Variants in ZKSCAN3 observed in about 807,000 individuals in gnomAD.
ZKSCAN3 encodes the protein zinc finger protein with KRAB and SCAN domains 3.
Under a neutral mutation model 30.7 loss-of-function variants are expected in ZKSCAN3, and 21 were observed. That is an observed-to-expected ratio of 0.68 (90% CI 0.49 to 0.99). The LOEUF (loss-of-function observed/expected upper bound fraction) is 0.99, where lower values mean the gene tolerates loss of function less well. Ranked by LOEUF, ZKSCAN3 falls within the 50% of genes least tolerant of loss-of-function variation. The pLI is 0.00. For synonymous variants in ZKSCAN3, 201 were observed against 246.7 expected, an observed-to-expected ratio of 0.81 and a Z score of 1.73; for missense variants, 507 against 647.1, an observed-to-expected ratio of 0.78 and a Z score of 2.35.
intron 1 of ZKSCAN3, chr6:28,355,298 G>GGTT (rs1456230788): frequency 4.6e-5 from 7 of 152,172 alleles, no homozygotes; most frequent in African/African-American, 1.4e-4. Context: ...CCAGTGTGTG[G>GGTT]GTTGTTACCC....
intron 1 of ZKSCAN3, chr6:28,350,339 C>G (rs187823904): frequency 2.0e-5 from 3 of 152,342 alleles, no homozygotes; most frequent in African/African-American, 7.2e-5. Flanking sequence ...GTCACATAGA[C>G]AAGCCTCGAG....
intron 1 of ZKSCAN3, chr6:28,356,093 C>T (rs1470230801): frequency 6.6e-6 from 1 of 152,262 alleles, no homozygotes; most frequent in Non-Finnish European, 1.5e-5. Flanking sequence ...GAAACTTATT[C>T]AGGTTTAGGG....
chr6:28,350,216 A>C (rs1764897084), intron 1 of ZKSCAN3, 149 bp downstream of exon 1: 1 of 152,232 alleles, frequency 6.6e-6, no homozygotes, highest in Non-Finnish European at 1.5e-5. Context: ...CTGCGGCGGA[A>C]TGAAGTGGTC....
In ZKSCAN3 at chr6:28,366,531, T is replaced by C; in HGVS notation, c.*246T>C. 1 of 336,030 alleles carries C rather than the reference T, an allele frequency of 3.0e-6. No homozygotes were observed. Among genetic ancestry groups the C allele is most frequent in the Non-Finnish European group, 5.3e-6 (1 of 187,600 alleles). 20.8% of individuals were successfully genotyped at this position (336,030 alleles called of 1,614,324 possible). On this transcript the variant is annotated 3_prime_UTR_variant, in exon 6 of 6. Transcript: ENST00000252211. Reference sequence around the variant, plus strand: ...AAGAGGTAAGACCTGAAACTGTTTGTTCTCTCCCACTAGAATTAAATGGAT... The same window carrying C: ...AAGAGGTAAGACCTGAAACTGTTTGCTCTCTCCCACTAGAATTAAATGGAT...
intron 1 of ZKSCAN3, among the ~76,000 whole-genome samples, chr6:28,356,451 T>G (rs751069599): frequency 2.1e-4 from 31 of 151,194 alleles, no homozygotes; most frequent in Non-Finnish European, 3.7e-4. Context: ...AGGCAGGGAG[T>G]CTCCCCCAAA....
In ZKSCAN3 at chr6:28,365,919, C is replaced by A; in HGVS notation, c.1251C>A (p.His417Gln). ...AGAGCTGCAGCCTCCTTGAACATCA[C>A]AGAATCCACACTGGGGAGAAGCCGT... Reference protein sequence around the residue: ...FSQSCSLLEHHRIHTGEKPYQ... With the variant: ...FSQSCSLLEHQRIHTGEKPYQ... Residue 417 changes from histidine to glutamine, a missense_variant, in exon 6 of 6, where the codon CAC (histidine) becomes CAA (glutamine). Coordinates refer to ENST00000252211, the MANE Select transcript of ZKSCAN3 (RefSeq NM_024493.4). 1 of 1,613,248 alleles carries A rather than the reference C, an allele frequency of 6.2e-7. No individual in the cohort carries two copies. The highest frequency in any genetic ancestry group is 8.5e-7 in the Non-Finnish European group (1 of 1,179,602).
chr6:28,362,535 A>G (rs188000594), intron 3 of ZKSCAN3, among the ~76,000 whole-genome samples: 1 of 152,202 alleles, frequency 6.6e-6, no homozygotes, highest in African/African-American at 2.4e-5. Flanking sequence ...ATTTTTAAAC[A>G]GAGGTTCTAG....
chr6:28,363,521 C>T, intron 4 of ZKSCAN3, 136 bp downstream of exon 4: 1 of 1,280,246 alleles, frequency 7.8e-7, no homozygotes, highest in Non-Finnish European at 1.1e-6. Context: ...TGCATTTTCT[C>T]ATCTATCTCG....
chr6:28,363,411 C>A lies in ZKSCAN3; in HGVS notation c.633+26C>A, dbSNP rs746010924. On this transcript the variant is annotated intron_variant, in intron 4 of 5. Coordinates refer to ENST00000252211, the MANE Select transcript of ZKSCAN3 (RefSeq NM_024493.4). ...GTGAGCTGGAGCCCTATCCCTCCCC[C>A]AATGCCCCTCACTACTATTGAGCTT... 8.7e-6 allele frequency: 14 copies of A among 1,602,038 alleles called. No homozygotes were observed. In the South Asian group the frequency reaches 1.1e-4, roughly 13 times the overall value.
At chr6:28,360,469 A>G (rs574622209) in intron 2 of ZKSCAN3, 3 of 594,418 alleles carry the variant, frequency 5.0e-6, no homozygotes, top group South Asian at 1.5e-4. Context: ...CTTAAAGACT[A>G]GTTAAAAATA....
chr6:28,353,113 C>T (rs1298152332), intron 1 of ZKSCAN3, among the ~76,000 whole-genome samples: 1 of 151,998 alleles, frequency 6.6e-6, no homozygotes, highest in Non-Finnish European at 1.5e-5. Flanking sequence ...AGACTATAGG[C>T]GCATGCCATC....
At position 28,363,374 on chromosome 6, in the gene ZKSCAN3, CCA is replaced by C; in HGVS notation, c.623_624del (p.Pro208ArgfsTer18). The C allele has an allele frequency of 1.2e-6, 2 of 1,613,936 alleles. No homozygotes were observed. Among genetic ancestry groups the C allele is most frequent in the Non-Finnish European group, 1.7e-6 (2 of 1,179,914 alleles). ...EDKVVASRLTPESQGLLKVED... is the reference protein window; with the variant it reads ...EDKVVASRLTXESQGLLKVED... ...TAAAGTGGTAGCTTCTAGGCTTACTCCAGAGTCCCAGGTGAGCTGGAGCCCTA... is the reference window on the plus strand; with the variant it reads ...TAAAGTGGTAGCTTCTAGGCTTACTCGAGTCCCAGGTGAGCTGGAGCCCTA... On this transcript the variant is annotated frameshift_variant, in exon 4 of 6. Coordinates refer to ENST00000252211, the MANE Select transcript of ZKSCAN3 (RefSeq NM_024493.4). LOFTEE classifies it high-confidence loss of function.
Position 28,361,480 on chromosome 6 carries a change from T to A in ZKSCAN3, c.550+9T>A, listed in dbSNP as rs1156807886. On this transcript the variant is annotated intron_variant, in intron 3 of 5. Coordinates refer to ENST00000252211, the MANE Select transcript of ZKSCAN3 (RefSeq NM_024493.4). Reference sequence around the variant, plus strand: ...GCCTTTACAAGATAGAGGTAAGGATTATTTTCTAGACAGTATGAATTCTGC... The same window carrying A: ...GCCTTTACAAGATAGAGGTAAGGATAATTTTCTAGACAGTATGAATTCTGC... The A allele has an allele frequency of 6.2e-7, 1 of 1,600,320 alleles. No individual in the cohort carries two copies.
At chr6:28,361,270 A>G in intron 2 of ZKSCAN3, 54 bp from the exon 3 acceptor site, 2 of 1,582,514 alleles carry the variant, frequency 1.3e-6, no homozygotes, top group Non-Finnish European at 8.6e-7. Flanking sequence ...CCACCTAGGT[A>G]GTTCTATGGA....
Position 28,363,307 on chromosome 6 carries a change from C to G in ZKSCAN3, c.555C>G (p.Leu185=), listed in dbSNP as rs1357122964. The change falls in exon 4 of 6, where the codon CTC becomes CTG. Residue 185 remains leucine (L), a synonymous_variant. Coordinates refer to ENST00000252211, the MANE Select transcript of ZKSCAN3 (RefSeq NM_024493.4). ...VGSQPLQDRV[L]QVPVLAHGGC... is the part of the protein sequence containing the mutation. ...CAGAGCTTCTTTCCTTCTTAGTTCT[C>G]CAGGTCCCCGTGCTTGCCCATGGAG... 2 of 1,613,978 alleles carry G rather than the reference C, an allele frequency of 1.2e-6. No homozygotes were observed. Among genetic ancestry groups the G allele is most frequent in the Non-Finnish European group, 1.7e-6 (2 of 1,179,900 alleles).
rs1003905853 is a variant in ZKSCAN3 at position 28,357,485 on chromosome 6, T to C, written c.-62-2040T>C. On this transcript the variant is annotated intron_variant, in intron 1 of 5. Transcript: ENST00000252211. ...AGGAAAGCAGGAGAAAGCAAGATCC[T>C]TGAAGTAAGGACAAGTGAGTTTTTG... Among the ~76,000 whole-genome samples, 41 of 152,298 alleles carry C rather than the reference T, an allele frequency of 2.7e-4. No homozygotes were observed. The Middle Eastern group carries it at 0.01, about 38-fold the overall frequency.
chr6:28,361,931 G>A (rs756227499), intron 3 of ZKSCAN3, among the ~76,000 whole-genome samples: 9 of 152,048 alleles, frequency 5.9e-5, no homozygotes, highest in Admixed American at 1.3e-4. Flanking sequence ...CTGAGTAGCT[G>A]GGACTACAGG....
intron 1 of ZKSCAN3, among the ~76,000 whole-genome samples, chr6:28,357,539 C>T (rs1472709807): frequency 6.6e-6 from 1 of 152,166 alleles, no homozygotes; most frequent in African/African-American, 2.4e-5. Flanking sequence ...AGCCCAGTTG[C>T]CTGAGAAGAG....
chr6:28,361,274 CTA>C, intron 2 of ZKSCAN3, 48 bp from the exon 3 acceptor site: 1 of 1,596,068 alleles, frequency 6.3e-7, no homozygotes, highest in South Asian at 1.1e-5. Flanking sequence ...CTAGGTAGTT[CTA>C]TGGAAGTGTT....
Sources: gnomAD v4.1 joint callset for allele counts (sites outside exome capture counted in the v4.1 genomes callset) on GRCh38, gnomAD v4.1.1 for gene constraint, MANE v1.5 for transcripts, NCBI Gene and HGNC (gene_info 2026-07-23, HGNC 2026-07-21) for gene names.